The following MYO3A variants were observed in gnomAD, a reference collection of about 807,000 sequenced individuals.
The protein encoded by MYO3A is myosin IIIA.
Under a neutral mutation model 192.7 loss-of-function variants are expected in MYO3A, and 180 were observed. That is an observed-to-expected ratio of 0.93 (90% confidence interval 0.83 to 1.06). MYO3A has a LOEUF of 1.06. Ranked by LOEUF, MYO3A falls within the 50% of genes least tolerant of loss-of-function variation. The pLI is 0.00. For synonymous variants in MYO3A, 628 were observed against 645.3 expected, an observed-to-expected ratio of 0.97 and a Z score of 0.41; for missense variants, 1,896 against 1,905.0, an observed-to-expected ratio of 1.00 and a Z score of 0.09.
intron 4 of MYO3A, among the ~76,000 whole-genome samples, chr10:25,992,542 C>T (rs1840109098): frequency 6.6e-6 from 1 of 152,220 alleles, no homozygotes; most frequent in South Asian, 2.1e-4. Context: ...ACTTCCAACA[C>T]TATGTTGAAT....
At chr10:26,070,662 A>G (rs1835149035) in intron 14 of MYO3A, among the ~76,000 whole-genome samples, 1 of 152,048 alleles carries the variant, frequency 6.6e-6, no homozygotes, top group South Asian at 2.1e-4. Context: ...GTCCCAGTGC[A>G]TTTATTGAAT....
intron 4 of MYO3A, 73 bp from the exon 5 acceptor site, chr10:25,996,417 T>G: frequency 7.9e-7 from 1 of 1,267,842 alleles, no homozygotes; most frequent in Non-Finnish European, 1.2e-6. Context: ...AAAAATGTCT[T>G]GGAAGAACTT....
At chr10:26,110,902 T>G (rs965934161) in intron 17 of MYO3A, among the ~76,000 whole-genome samples, 1 of 150,698 alleles carries the variant, frequency 6.6e-6, no homozygotes, top group African/African-American at 2.4e-5. Context: ...ATGGGATCTC[T>G]CTCTGTTGCC....
At chr10:25,992,494 C>G (rs554492790) in intron 4 of MYO3A, among the ~76,000 whole-genome samples, 1 of 152,240 alleles carries the variant, frequency 6.6e-6, no homozygotes, top group African/African-American at 2.4e-5. Flanking sequence ...AATTGAATAC[C>G]CTTTATTTCT....
At chr10:26,024,220 G>T in intron 9 of MYO3A, 133 bp downstream of exon 9, 1 of 858,000 alleles carries the variant, frequency 1.2e-6, no homozygotes. Flanking sequence ...CATCTATAGT[G>T]TCTTTTAAAT....
intron 10 of MYO3A, among the ~76,000 whole-genome samples, chr10:26,048,039 GA>G (rs1413621950): frequency 6.6e-6 from 1 of 152,132 alleles, no homozygotes; most frequent in Non-Finnish European, 1.5e-5. Context: ...TACCTTACTG[GA>G]AAATTGTGCT....
chr10:26,085,225 A>G (rs1036609667), intron 14 of MYO3A, among the ~76,000 whole-genome samples: 2 of 151,466 alleles, frequency 1.3e-5, no homozygotes, highest in African/African-American at 4.8e-5. Context: ...GATTCTTTTT[A>G]TAGTTTTTCC....
At chr10:26,180,170 A>G (rs1305411376) in intron 31 of MYO3A, among the ~76,000 whole-genome samples, 3 of 152,228 alleles carry the variant, frequency 2.0e-5, no homozygotes, top group Non-Finnish European at 4.4e-5. Flanking sequence ...TCCTGAGTAT[A>G]GTATTTAATA....
At chr10:25,973,464 C>G (rs768339193) in intron 4 of MYO3A, among the ~76,000 whole-genome samples, 6 of 152,004 alleles carry the variant, frequency 3.9e-5, no homozygotes, top group South Asian at 2.1e-4. Flanking sequence ...ATTCAAATAC[C>G]CTTTATTTCT....
chr10:26,131,060 T>G lies in MYO3A; in HGVS notation c.2262+2522T>G, dbSNP rs139951798. 1.1e-4 allele frequency among the ~76,000 whole-genome samples: 17 copies of G among 152,328 alleles called. 1 individual carries two copies. The highest frequency in any genetic ancestry group is 1.8e-4 in the Non-Finnish European group (12 of 68,028). ...AATAGTGTTCTTACTTTCATGAGACTTACAAATGATCCGGCCAGATCTCGG... is the reference window on the plus strand; with the variant it reads ...AATAGTGTTCTTACTTTCATGAGACGTACAAATGATCCGGCCAGATCTCGG... On this transcript the variant is annotated intron_variant, in intron 20 of 34. Coordinates refer to ENST00000642920, the MANE Select transcript of MYO3A (RefSeq NM_017433.5).
intron 4 of MYO3A, among the ~76,000 whole-genome samples, chr10:25,966,579 A>C (rs942945655): frequency 1.3e-5 from 2 of 152,132 alleles, no homozygotes; most frequent in Admixed American, 1.3e-4. Context: ...AAAACAAACA[A>C]AAAAAAACTG....
chr10:26,047,166 A>G (rs1564491741), intron 10 of MYO3A, among the ~76,000 whole-genome samples: 2 of 152,212 alleles, frequency 1.3e-5, no homozygotes, highest in Admixed American at 6.5e-5. Flanking sequence ...TCTGAAAACT[A>G]TTACATTTGA....
At chr10:26,106,286 A>G (rs574888625) in intron 17 of MYO3A, among the ~76,000 whole-genome samples, 5 of 152,070 alleles carry the variant, frequency 3.3e-5, no homozygotes, top group South Asian at 2.1e-4. Context: ...TTGTCTTACA[A>G]CTTTGTTTAG....
chr10:26,127,374 A>C (rs955683526), intron 19 of MYO3A, among the ~76,000 whole-genome samples: 14 of 152,172 alleles, frequency 9.2e-5, no homozygotes, highest in Non-Finnish European at 1.5e-5. Context: ...AAAGGATAAT[A>C]ATCTTGACTA....
chr10:25,982,053 G>A (rs974036101), intron 4 of MYO3A, among the ~76,000 whole-genome samples: 3 of 152,174 alleles, frequency 2.0e-5, no homozygotes, highest in Admixed American at 6.5e-5. Flanking sequence ...GATGGGGCAC[G>A]GTGGGAGTGA....
chr10:26,111,158 G>T (rs1588974038), intron 17 of MYO3A, among the ~76,000 whole-genome samples: 2 of 152,234 alleles, frequency 1.3e-5, no homozygotes, highest in South Asian at 4.2e-4. Context: ...ATGAGGTGCT[G>T]TGCCTGGTGA....
chr10:25,939,670 C>T (rs879788532), intron 2 of MYO3A, among the ~76,000 whole-genome samples: 3 of 151,656 alleles, frequency 2.0e-5, no homozygotes, highest in Non-Finnish European at 4.4e-5. Flanking sequence ...TGCAATCATA[C>T]GTGCTCAGAG....
intron 25 of MYO3A, 47 bp downstream of exon 25, chr10:26,154,870 T>C (rs1393986954): frequency 6.7e-7 from 1 of 1,490,316 alleles, no homozygotes; most frequent in Non-Finnish European, 9.3e-7. Flanking sequence ...TGCTATTTAG[T>C]CTAAATGAGT....
intron 17 of MYO3A, among the ~76,000 whole-genome samples, chr10:26,103,876 T>C (rs923961237): frequency 1.3e-5 from 2 of 152,228 alleles, no homozygotes; most frequent in Non-Finnish European, 2.9e-5. Context: ...ATTTTGATTA[T>C]AGTGATTCTA....
Sources: gnomAD v4.1 joint callset for allele counts (sites outside exome capture counted in the v4.1 genomes callset) on GRCh38, gnomAD v4.1.1 for gene constraint, MANE v1.5 for transcripts, NCBI Gene and HGNC (gene_info 2026-07-23, HGNC 2026-07-21) for gene names.